The following DST variants were observed in gnomAD, a reference collection of about 807,000 sequenced individuals.
The protein encoded by DST is dystonin.
DST carries 253 observed loss-of-function variants against 875.2 expected under a neutral mutation model. The observed-to-expected ratio is 0.29, with a 90% CI of 0.26 to 0.32. DST has a LOEUF of 0.32. Among genes scored for constraint, DST ranks in the 10% least tolerant of loss-of-function variants. DST has a pLI of 1.00. For missense variants in DST, 8,287 were observed against 9,111.6 expected (o/e 0.91, Z 3.68); for synonymous variants, 3,124 against 3,197.1 (o/e 0.98, Z 0.77).
chr6:56,629,944 TTC>T (rs1437844057), intron 31 of DST, among the ~76,000 whole-genome samples: 2 of 152,228 alleles, frequency 1.3e-5, no homozygotes, highest in South Asian at 2.1e-4. Flanking sequence ...TTAAATTAAC[TTC>T]TTTTTCAGCA....
chr6:56,604,727 C>T lies in DST; in HGVS notation c.9901G>A (p.Asp3301Asn). The change falls in exon 40 of 104, where the codon GAT becomes AAT. Residue 3301 changes from aspartate (D) to asparagine (N), a missense_variant. By Grantham distance (23) the Asp-to-Asn change is conservative. This residue lies in a region of DST where 3,138 missense variants were observed against 3,116.6 expected (regional missense o/e 1.01). Coordinates refer to ENST00000680361, the MANE Select transcript of DST (RefSeq NM_001374736.1). ...SERCANGLGN[D>N]NSSNTLNTDY... is the part of the protein sequence containing the mutation. ...GTATTTAAAGTGTTACTGGAGTTATCATTTCCTAATCCATTTGCACACCGC... is the reference window on the plus strand; with the variant it reads ...GTATTTAAAGTGTTACTGGAGTTATTATTTCCTAATCCATTTGCACACCGC... 6.2e-7 allele frequency: 1 copy of T among 1,612,534 alleles called. No homozygotes were observed. Among genetic ancestry groups the T allele is most frequent in the Non-Finnish European group, 8.5e-7 (1 of 1,179,142 alleles).
chr6:56,690,285 C>T (rs975332761), intron 9 of DST, among the ~76,000 whole-genome samples: 7 of 152,078 alleles, frequency 4.6e-5, no homozygotes, highest in East Asian at 1.9e-4. Context: ...TCAAATGACG[C>T]GATGTGTCTG....
intron 2 of DST, among the ~76,000 whole-genome samples, chr6:56,937,362 G>A (rs1039281765): frequency 5.9e-5 from 9 of 152,128 alleles, no homozygotes; most frequent in Middle Eastern, 3.4e-3. Context: ...CAAAAGATTT[G>A]AACACTTCAC....
At chr6:56,570,350 G>T (rs1265446280) in intron 53 of DST, among the ~76,000 whole-genome samples, 1 of 151,860 alleles carries the variant, frequency 6.6e-6, no homozygotes, top group Non-Finnish European at 1.5e-5. Context: ...TCGCCATAAT[G>T]TAGAATCAAT....
At chr6:56,515,413 A>G (rs2096569710) in intron 72 of DST, 37 bp downstream of exon 72, 1 of 1,600,538 alleles carries the variant, frequency 6.2e-7, no homozygotes, top group Non-Finnish European at 8.5e-7. Flanking sequence ...TTCTCTTTTA[A>G]TGGGGAATAC....
At chr6:56,548,844 T>C (rs541572311) in intron 61 of DST, among the ~76,000 whole-genome samples, 1 of 152,350 alleles carries the variant, frequency 6.6e-6, no homozygotes, top group Admixed American at 6.5e-5. Flanking sequence ...AGAACTTATA[T>C]ATAATCAAAA....
At position 56,616,501 on chromosome 6, in the gene DST, T is replaced by C. The variant is rs977818252; in HGVS notation, c.4930-2017A>G. The C allele has an allele frequency of 2.5e-6, 4 of 1,614,040 alleles. No individual in the cohort carries two copies. The East Asian group carries it at 8.9e-5, about 36-fold the overall frequency. ...GATTGGAAATGTTCCTCTCCCCAAA[T>C]GGAAACAGAAAGCATTGGGACTCTA... On this transcript the variant is annotated intron_variant, in intron 36 of 103. Coordinates refer to ENST00000680361, the MANE Select transcript of DST (RefSeq NM_001374736.1).
intron 4 of DST, among the ~76,000 whole-genome samples, chr6:56,774,160 G>A (rs578122089): frequency 2.4e-4 from 36 of 149,012 alleles, no homozygotes; most frequent in Non-Finnish European, 4.1e-4. Flanking sequence ...TGATTCCCCT[G>A]CTCAAAACAT....
At chr6:56,534,047 T>A (rs1182241452) in intron 63 of DST, among the ~76,000 whole-genome samples, 1 of 152,212 alleles carries the variant, frequency 6.6e-6, no homozygotes, top group African/African-American at 2.4e-5. Flanking sequence ...ATCCATCACC[T>A]CACCTACTCA....
intron 4 of DST, among the ~76,000 whole-genome samples, chr6:56,849,962 C>G (rs1236234105): frequency 6.6e-6 from 1 of 152,200 alleles, no homozygotes; most frequent in Non-Finnish European, 1.5e-5. Context: ...AGTCAAACAT[C>G]TGGTATGGGC....
chr6:56,501,011 T>C (rs926677434), intron 80 of DST, 69 bp downstream of exon 80: 4 of 1,475,776 alleles, frequency 2.7e-6, no homozygotes, highest in East Asian at 4.8e-5. Context: ...AGAAGAAATA[T>C]ATCCAAGAAA....
rs200913640 is a variant in DST at position 56,633,037 on chromosome 6, T to G, written c.3622A>C (p.Ile1208Leu). ...DRIRASNVAS[I>L]KTMLPGEHQQ... ...TGTTCACCAGGTAGCATTGTCTTTA[T>G]CTAAAGAAGACCAAAGACCCATGTA... Residue 1208 changes from isoleucine to leucine, a missense_variant and splice_region_variant, in exon 28 of 104, where the codon ATA (isoleucine) becomes CTA (leucine). This residue lies in a region of DST where 3,138 missense variants were observed against 3,116.6 expected (regional missense o/e 1.01). Coordinates refer to ENST00000680361, the MANE Select transcript of DST (RefSeq NM_001374736.1). 282 of 1,613,256 alleles carry G rather than the reference T, an allele frequency of 1.7e-4. No homozygotes were observed. The highest frequency in any genetic ancestry group is 7.2e-5 in the Non-Finnish European group (85 of 1,179,504).
chr6:56,561,429 T>C lies in DST; in HGVS notation c.14189A>G (p.Gln4730Arg). ...NTKLSKLQKAQEESSAMMQWL... is the reference protein window; with the variant it reads ...NTKLSKLQKAREESSAMMQWL... ...CTGCATCATTGCACTTGATTCTTCC[T>C]GAGCCTTTTGCAATTTGGAGAGTTT... is the stretch of plus-strand genomic sequence containing the variant. Residue 4730 changes from glutamine (Q) to arginine (R), a missense_variant, in exon 57 of 104, where the codon CAG becomes CGG. Transcript: ENST00000680361. 3 of 1,613,920 alleles carry C rather than the reference T, an allele frequency of 1.9e-6. No individual in the cohort carries two copies. The highest frequency in any genetic ancestry group is 1.1e-5 in the South Asian group (1 of 91,070).
chr6:56,492,886 A>T, intron 84 of DST, 48 bp downstream of exon 84: 2 of 1,382,472 alleles, frequency 1.4e-6, no homozygotes, highest in Non-Finnish European at 1.9e-6. Flanking sequence ...AAAAAAAAAA[A>T]GCCTGGTGTC....
chr6:56,764,242 C>A (rs1366523958), intron 4 of DST, among the ~76,000 whole-genome samples: 1 of 152,128 alleles, frequency 6.6e-6, no homozygotes, highest in Non-Finnish European at 1.5e-5. Flanking sequence ...AGTGGCTGAA[C>A]TGAAAAATGC....
intron 63 of DST, among the ~76,000 whole-genome samples, chr6:56,534,315 G>A (rs113840197): frequency 2.0e-5 from 3 of 152,104 alleles, no homozygotes; most frequent in South Asian, 2.1e-4. Flanking sequence ...AGTACGCCAT[G>A]CTCTAGGATC....
Position 56,642,076 on chromosome 6 carries a change from A to G in DST, c.1898T>C (p.Val633Ala). 6.2e-7 allele frequency: 1 copy of G among 1,612,652 alleles called. No homozygotes were observed. The highest frequency in any genetic ancestry group is 8.5e-7 in the Non-Finnish European group (1 of 1,179,000). ...AATTTCTGCTTCATTCTGAAACTGC[A>G]CTCCTGATTCTAATCTTTTAGAATC... is the stretch of plus-strand genomic sequence containing the variant. ...QSDSKRLESG[V>A]QFQNEAEIAG... The change falls in exon 17 of 104, where the codon GTG becomes GCG. Residue 633 changes from valine (V) to alanine (A), a missense_variant. Around this residue, in one of 10 missense-constraint regions of DST, gnomAD observed 1,160 missense variants for 1,424.3 expected, o/e 0.81. Coordinates refer to ENST00000680361, the MANE Select transcript of DST (RefSeq NM_001374736.1).
intron 61 of DST, among the ~76,000 whole-genome samples, chr6:56,539,445 G>C (rs2097082096): frequency 6.6e-6 from 1 of 152,166 alleles, no homozygotes; most frequent in Non-Finnish European, 1.5e-5. Flanking sequence ...AGACTGAGAA[G>C]AGGAACGGTT....
intron 4 of DST, among the ~76,000 whole-genome samples, chr6:56,771,761 G>A (rs907992511): frequency 2.0e-5 from 3 of 152,188 alleles, no homozygotes; most frequent in African/African-American, 7.2e-5. Flanking sequence ...ATAGCTCTCT[G>A]CAAGAATCTG....
Sources: allele counts gnomAD v4.1 joint callset (sites outside exome capture counted in the v4.1 genomes callset), GRCh38; gene constraint gnomAD v4.1.1; regional missense constraint gnomAD v4.1.1; transcripts MANE v1.5; gene names NCBI Gene and HGNC (gene_info 2026-07-23, HGNC 2026-07-21).